Variants in PAFAH1B2 observed in about 807,000 individuals in gnomAD.
PAFAH1B2 encodes the protein platelet activating factor acetylhydrolase 1b catalytic subunit 2.
Under a neutral mutation model 28.0 loss-of-function variants are expected in PAFAH1B2, and 8 were observed. That is an observed-to-expected ratio of 0.29 (90% confidence interval 0.17 to 0.52). The LOEUF is 0.52. Ranked by LOEUF, PAFAH1B2 falls within the 20% of genes least tolerant of loss-of-function variation. The pLI, the probability that PAFAH1B2 is intolerant of heterozygous loss-of-function variation, is 0.97. For missense variants in PAFAH1B2, 190 were observed against 282.6 expected (o/e 0.67, Z 2.35); for synonymous variants, 104 against 103.2 (o/e 1.01, Z -0.05).
chr11:117,167,535 G>A lies in PAFAH1B2; in HGVS notation c.526G>A (p.Asp176Asn), dbSNP rs142710583. The A allele has an allele frequency of 3.2e-5, 52 of 1,613,096 alleles. No homozygotes were observed. The Middle Eastern group carries it at 8.2e-4, about 26-fold the overall frequency. The change falls in exon 6 of 6, where the codon GAC becomes AAC. Residue 176 changes from aspartate to asparagine, a missense_variant. By Grantham distance (23) the Asp-to-Asn change is conservative. Transcript: ENST00000527958. ...TGCCAACGTGCAGCTCCTGGATACCGACGGGGGTTTTGTGCACTCGGACGG... is the reference window on the plus strand; with the variant it reads ...TGCCAACGTGCAGCTCCTGGATACCAACGGGGGTTTTGTGCACTCGGACGG... ...KLANVQLLDT[D>N]GGFVHSDGAI... is the part of the protein sequence containing the mutation.
At chr11:117,152,031 G>A (rs942267166) in intron 1 of PAFAH1B2, among the ~76,000 whole-genome samples, 1 of 152,166 alleles carries the variant, frequency 6.6e-6, no homozygotes, top group Non-Finnish European at 1.5e-5. Flanking sequence ...ACTCTTAACA[G>A]TAGTAAGTGT....
At chr11:117,171,150 C>G, downstream of PAFAH1B2, 1 of 767,156 alleles carries the variant, frequency 1.3e-6, no homozygotes, top group Non-Finnish European at 1.6e-6. Flanking sequence ...CTTAGATGAT[C>G]CTGCTTCTTT....
In PAFAH1B2 at chr11:117,146,737, AT is replaced by A. The variant is rs555708593; in HGVS notation, c.-8+2321del. Among the ~76,000 whole-genome samples, 25 of 151,556 alleles carry A rather than the reference AT, an allele frequency of 1.6e-4. No homozygotes were observed. In the South Asian group the frequency reaches 5.0e-3, roughly 30 times the overall value. On this transcript the variant is annotated intron_variant, in intron 1 of 5. Transcript: ENST00000527958. ...CACAGCCGGCTGGGTGCTGTGACTC[AT>A]TCCTGTAATTCCAGCACTTTGGGAG...
At chr11:117,161,024 C>T in intron 3 of PAFAH1B2, 121 bp from the exon 4 acceptor site, 1 of 692,282 alleles carries the variant, frequency 1.4e-6, no homozygotes, top group Non-Finnish European at 2.5e-6. Flanking sequence ...CAGTGTCACA[C>T]CATTACAGTG....
chr11:117,163,300 A>T (rs542880734), intron 4 of PAFAH1B2, among the ~76,000 whole-genome samples: 1 of 152,168 alleles, frequency 6.6e-6, no homozygotes, highest in Admixed American at 6.5e-5. Flanking sequence ...TCTTAAAAGA[A>T]AATTTAATAG....
chr11:117,166,319 A>G (rs1021437733), intron 5 of PAFAH1B2, among the ~76,000 whole-genome samples: 1 of 152,244 alleles, frequency 6.6e-6, no homozygotes, highest in Non-Finnish European at 1.5e-5. Context: ...AGTGACTAGT[A>G]CATAGTATTT....
In PAFAH1B2 at chr11:117,167,629, A is replaced by G. The variant is rs1242284387; in HGVS notation, c.620A>G (p.Lys207Arg). The stretch of plus-strand genomic sequence containing the variant: ...GGAGGGGGCTATGCAAAGATCTGCA[A>G]ACCCCTGCATGAACTGATCATGCAG... ...LTGGGYAKIC[K>R]PLHELIMQLL... The change falls in exon 6 of 6, where the codon AAA becomes AGA. Residue 207 changes from lysine (K) to arginine (R), a missense_variant. By Grantham distance (26) the Lys-to-Arg change is conservative. Transcript: ENST00000527958. 6.2e-6 allele frequency: 10 copies of G among 1,609,956 alleles called. No homozygotes were observed. The highest frequency in any genetic ancestry group is 4.5e-5 in the East Asian group (2 of 44,752).
intron 4 of PAFAH1B2, among the ~76,000 whole-genome samples, chr11:117,163,173 T>C (rs1197185158): frequency 9.7e-6 from 1 of 103,088 alleles, no homozygotes; most frequent in Non-Finnish European, 2.2e-5. Flanking sequence ...AATCGATGCA[T>C]TAAGATTTCT....
Position 117,167,898 on chromosome 11 carries a change from C to T in PAFAH1B2, c.*199C>T. 1 of 1,199,984 alleles carries T rather than the reference C, an allele frequency of 8.3e-7. No individual in the cohort carries two copies. The highest frequency in any genetic ancestry group is 1.0e-6 in the Non-Finnish European group (1 of 966,058). The allele number at this position is 1,199,984 out of a possible 1,614,324, so 74.3% of individuals were successfully genotyped here. On this transcript the variant is annotated 3_prime_UTR_variant, in exon 6 of 6. Coordinates refer to ENST00000527958, the MANE Select transcript of PAFAH1B2 (RefSeq NM_002572.4). The stretch of plus-strand genomic sequence containing the variant: ...TGTTTGACAGAGGAGAAAAATTAGC[C>T]AAGGAAGATTGTTGTTTAAATTCAT...
At chr11:117,172,899 C>T (rs1000146117), downstream of PAFAH1B2, among the ~76,000 whole-genome samples, 5 of 152,094 alleles carry the variant, frequency 3.3e-5, no homozygotes, top group African/African-American at 7.2e-5. Context: ...AGACAGGGTT[C>T]GCCATGTTTA....
chr11:117,159,113 A>G (rs1956315495), intron 2 of PAFAH1B2, among the ~76,000 whole-genome samples: 2 of 152,240 alleles, frequency 1.3e-5, no homozygotes, highest in South Asian at 2.1e-4. Context: ...AGGCAGATGT[A>G]TATGTGTTCA....
exon 6 of PAFAH1B2, chr11:117,176,242 G>A: frequency 2.3e-6 from 1 of 434,864 alleles, no homozygotes; most frequent in African/African-American, 2.0e-5. Context: ...CTTTGGAAAA[G>A]GGGTGCAGCT....
At chr11:117,167,118 C>G (rs1413847828) in intron 5 of PAFAH1B2, among the ~76,000 whole-genome samples, 1 of 152,042 alleles carries the variant, frequency 6.6e-6, no homozygotes, top group East Asian at 1.9e-4. Context: ...CTTTCTGTAG[C>G]TTAGAAGTTT....
chr11:117,168,446 GTTTTT>G lies in PAFAH1B2; in HGVS notation c.*768_*772del, dbSNP rs71469127. The G allele has an allele frequency of 4.6e-3, 1,094 of 235,434 alleles. 1 individual carries two copies. The highest frequency in any genetic ancestry group is 0.013 in the South Asian group (65 of 4,828). The allele number at this position is 235,434 out of a possible 1,614,324, so 14.6% of individuals were successfully genotyped here. A position where few individuals can be genotyped will look rare whatever the true frequency, so the allele number is the denominator to read the frequency against. Reference sequence around the variant, plus strand: ...TCCCCTTCATTCCCCCCGCCACCCCGTTTTTTTTTTTTTTTTTTTTTTTTTGGTTC... The same window carrying G: ...TCCCCTTCATTCCCCCCGCCACCCCGTTTTTTTTTTTTTTTTTTTTGGTTC... On this transcript the variant is annotated 3_prime_UTR_variant, in exon 6 of 6. Transcript: ENST00000527958.
chr11:117,171,666 A>G (rs1439281106), downstream of PAFAH1B2: 1 of 1,520,942 alleles, frequency 6.6e-7, no homozygotes, highest in Admixed American at 2.0e-5. Flanking sequence ...AGATAGTGAG[A>G]CTAGAACAAG....
chr11:117,146,227 T>C (rs948358489), intron 1 of PAFAH1B2, among the ~76,000 whole-genome samples: 2 of 151,530 alleles, frequency 1.3e-5, no homozygotes, highest in Non-Finnish European at 2.9e-5. Flanking sequence ...TTCAAGCTTA[T>C]AGGCATGTGC....
chr11:117,174,164 T>TGTGTGTGTGTGTGTGTGTGTG (rs1555034628), downstream of PAFAH1B2, among the ~76,000 whole-genome samples: 35 of 138,920 alleles, frequency 2.5e-4, no homozygotes, highest in Non-Finnish European at 4.2e-4. Context: ...TTCATGTCTT[T>TGTGTGTGTGTGTGTGTGTGTG]TGTGTGTGTG....
intron 1 of PAFAH1B2, among the ~76,000 whole-genome samples, chr11:117,148,253 A>G (rs1434749686): frequency 6.6e-6 from 1 of 151,866 alleles, no homozygotes; most frequent in Non-Finnish European, 1.5e-5. Context: ...GGATTTCACC[A>G]TGTTGGCCAG....
chr11:117,175,871 G>A (rs752842786), downstream of PAFAH1B2: 77 of 1,531,396 alleles, frequency 5.0e-5, no homozygotes, highest in Non-Finnish European at 5.7e-5. Flanking sequence ...AGACCAGCCT[G>A]GGCAATGTAT....
Sources: gnomAD v4.1 joint callset for allele counts (sites outside exome capture counted in the v4.1 genomes callset) on GRCh38, gnomAD v4.1.1 for gene constraint, MANE v1.5 for transcripts, NCBI Gene and HGNC (gene_info 2026-07-23, HGNC 2026-07-21) for gene names.